Variants in ADCY8 observed in about 807,000 individuals in gnomAD.
The protein encoded by ADCY8 is adenylate cyclase type 8.
A neutral mutation model predicts 119.7 loss-of-function variants in ADCY8; 51 were observed. That is an observed-to-expected ratio of 0.43 (90% confidence interval 0.34 to 0.54). The LOEUF (loss-of-function observed/expected upper bound fraction) is 0.54, where lower values mean the gene tolerates loss of function less well. Ranked by LOEUF, ADCY8 falls within the 20% of genes least tolerant of loss-of-function variation. The pLI, the probability that ADCY8 is intolerant of heterozygous loss-of-function variation, is 0.03. For synonymous variants in ADCY8, 665 were observed against 651.0 expected, an observed-to-expected ratio of 1.02 and a Z score of -0.33; for missense variants, 1,383 against 1,598.8, an observed-to-expected ratio of 0.87 and a Z score of 2.30.
intron 16 of ADCY8, among the ~76,000 whole-genome samples, chr8:130,784,771 A>T (rs1815199669): frequency 6.6e-6 from 1 of 152,178 alleles, no homozygotes. Flanking sequence ...GAAGTATTTT[A>T]TTGTTTTTAG....
chr8:130,825,961 G>C lies in ADCY8; in HGVS notation c.2676-4541C>G, dbSNP rs113836428. On this transcript the variant is annotated intron_variant, in intron 12 of 17. Transcript: ENST00000286355. ...ATTATCCTGGAGGACTACTTCCGCA[G>C]GATCTTTCAGCCACAGTACTGGGCA... Among the ~76,000 whole-genome samples, 639 of 152,288 alleles carry C rather than the reference G, an allele frequency of 4.2e-3. 6 individuals are homozygous for C. The highest frequency in any genetic ancestry group is 0.014 in the African/African-American group (584 of 41,560).
chr8:130,802,106 C>A (rs1815799179), intron 14 of ADCY8, among the ~76,000 whole-genome samples: 1 of 151,956 alleles, frequency 6.6e-6, no homozygotes, highest in African/African-American at 2.4e-5. Flanking sequence ...TGCTTGGTTG[C>A]CCTCACCCTC....
chr8:130,951,198 T>A (rs1001810361), intron 3 of ADCY8, among the ~76,000 whole-genome samples: 2 of 152,226 alleles, frequency 1.3e-5, no homozygotes, highest in African/African-American at 4.8e-5. Flanking sequence ...CAGGGAAGAA[T>A]TTTGAGATTC....
At chr8:131,009,263 C>A (rs1476809860) in intron 1 of ADCY8, among the ~76,000 whole-genome samples, 1 of 152,136 alleles carries the variant, frequency 6.6e-6, no homozygotes, top group Non-Finnish European at 1.5e-5. Flanking sequence ...AGGCCAAGGG[C>A]CCCCCTGCTG....
chr8:130,968,128 T>C (rs1401962846), intron 2 of ADCY8, among the ~76,000 whole-genome samples: 3 of 151,904 alleles, frequency 2.0e-5, no homozygotes, highest in Non-Finnish European at 4.4e-5. Flanking sequence ...GACCGTGGTC[T>C]GTAGAGAATT....
Position 130,863,151 on chromosome 8 carries a change from CTT to C in ADCY8, c.2210+4693_2210+4694del, listed in dbSNP as rs1198883309. ...TTTGCCTTATGTAGTTTGACATTCTCTTGTTAGGCACATAAATGTTCATATTG... is the reference window on the plus strand; with the variant it reads ...TTTGCCTTATGTAGTTTGACATTCTCGTTAGGCACATAAATGTTCATATTG... On this transcript the variant is annotated intron_variant, in intron 9 of 17. Coordinates refer to ENST00000286355, the MANE Select transcript of ADCY8 (RefSeq NM_001115.3). 2.0e-5 allele frequency among the ~76,000 whole-genome samples: 3 copies of C among 152,042 alleles called. No homozygotes were observed. The East Asian group carries it at 5.8e-4, about 29-fold the overall frequency.
chr8:130,972,542 A>C (rs977369575), intron 2 of ADCY8, among the ~76,000 whole-genome samples: 1 of 152,186 alleles, frequency 6.6e-6, no homozygotes, highest in African/African-American at 2.4e-5. Context: ...AAAAGACCCA[A>C]AATATCTATT....
intron 4 of ADCY8, among the ~76,000 whole-genome samples, chr8:130,939,443 T>C (rs1820892329): frequency 6.6e-6 from 1 of 152,192 alleles, no homozygotes. Context: ...GGTGACTTCA[T>C]CTGCAAATGG....
At chr8:130,863,243 T>A (rs982444226) in intron 9 of ADCY8, among the ~76,000 whole-genome samples, 2 of 151,846 alleles carry the variant, frequency 1.3e-5, no homozygotes, top group African/African-American at 4.9e-5. Flanking sequence ...CTCTGATAAT[T>A]TTCCTTGTTC....
At chr8:130,920,930 G>A (rs1820282030) in intron 5 of ADCY8, among the ~76,000 whole-genome samples, 1 of 152,194 alleles carries the variant, frequency 6.6e-6, no homozygotes, top group South Asian at 2.1e-4. Context: ...TCTCCAGCCT[G>A]CTGGTCCACC....
At chr8:130,932,895 G>A (rs1820675437) in intron 5 of ADCY8, among the ~76,000 whole-genome samples, 1 of 152,192 alleles carries the variant, frequency 6.6e-6, no homozygotes, top group Admixed American at 6.5e-5. Flanking sequence ...CAGTGAGTAA[G>A]AGACTAGGGT....
intron 5 of ADCY8, among the ~76,000 whole-genome samples, chr8:130,910,701 T>C (rs949166518): frequency 6.6e-6 from 1 of 152,208 alleles, no homozygotes; most frequent in African/African-American, 2.4e-5. Context: ...ATTTGATATA[T>C]AGATTGATAT....
chr8:130,858,684 G>A (rs1230831456), intron 9 of ADCY8, among the ~76,000 whole-genome samples: 1 of 152,128 alleles, frequency 6.6e-6, no homozygotes, highest in Admixed American at 6.5e-5. Flanking sequence ...TCCTCACTGA[G>A]GATGAATTAT....
At chr8:130,948,996 G>C (rs1821193379) in intron 3 of ADCY8, among the ~76,000 whole-genome samples, 1 of 152,168 alleles carries the variant, frequency 6.6e-6, no homozygotes, top group Admixed American at 6.5e-5. Flanking sequence ...AACAGGGCCG[G>C]CGGCTGGTTT....
In ADCY8 at chr8:130,952,109, C is replaced by T. The variant is rs573298587; in HGVS notation, c.1111-111G>A. On this transcript the variant is annotated intron_variant, in intron 2 of 17. Transcript: ENST00000286355. ...TTTGGATGAACTCCCTTTGGGATTGCTAATTTCATACCATTCTATGAATAC... is the reference window on the plus strand; with the variant it reads ...TTTGGATGAACTCCCTTTGGGATTGTTAATTTCATACCATTCTATGAATAC... 1.1e-4 allele frequency: 134 copies of T among 1,219,552 alleles called. 1 individual carries two copies. The South Asian group carries it at 1.8e-3, about 16-fold the overall frequency. The allele number at this position is 1,219,552 out of a possible 1,614,324, so 75.5% of individuals were successfully genotyped here. A position where few individuals can be genotyped will look rare whatever the true frequency, so the allele number is the denominator to read the frequency against.
intron 11 of ADCY8, among the ~76,000 whole-genome samples, chr8:130,846,172 G>T (rs4474042): frequency 0.21 from 32,283 of 151,966 alleles, 3,513 homozygotes; most frequent in Admixed American, 0.25. Flanking sequence ...TCTGAGTGTG[G>T]CAGCCTCTTA....
At chr8:130,983,947 AT>A (rs1023547149) in intron 2 of ADCY8, among the ~76,000 whole-genome samples, 4 of 152,188 alleles carry the variant, frequency 2.6e-5, no homozygotes, top group Non-Finnish European at 5.9e-5. Flanking sequence ...TGAGCTTCCT[AT>A]TTTTTCTTTC....
At chr8:131,002,153 C>G (rs182805226) in intron 1 of ADCY8, among the ~76,000 whole-genome samples, 1 of 152,308 alleles carries the variant, frequency 6.6e-6, no homozygotes, top group African/African-American at 2.4e-5. Context: ...ATTTTCTTAC[C>G]TGGAAACAGG....
intron 5 of ADCY8, among the ~76,000 whole-genome samples, chr8:130,926,851 G>A (rs1820483681): frequency 6.6e-6 from 1 of 151,514 alleles, no homozygotes; most frequent in Non-Finnish European, 1.5e-5. Context: ...CCTGTGCTTA[G>A]CTTATATTTT....
Sources: allele counts gnomAD v4.1 joint callset (sites outside exome capture counted in the v4.1 genomes callset), GRCh38; gene constraint gnomAD v4.1.1; transcripts MANE v1.5; gene names NCBI Gene and HGNC (gene_info 2026-07-23, HGNC 2026-07-21).